The following VPS16 variants were observed in gnomAD, a reference collection of about 807,000 sequenced individuals.
VPS16 encodes VPS16 core subunit of CORVET and HOPS complexes, also known as vacuolar protein sorting-associated protein 16 homolog.
Under a neutral mutation model 116.0 loss-of-function variants are expected in VPS16, and 82 were observed. That is an observed-to-expected ratio of 0.71 (90% CI 0.59 to 0.85). The LOEUF is 0.85. Ranked by LOEUF, VPS16 falls within the 40% of genes least tolerant of loss-of-function variation. The probability of loss-of-function intolerance (pLI) is 0.00; values close to 1 mark genes in which losing one functional copy is unlikely to be tolerated. For synonymous variants in VPS16, 406 were observed against 420.7 expected (o/e 0.96, Z 0.43); for missense variants, 928 against 1,090.6 (o/e 0.85, Z 2.10).
chr20:2,861,499 G>A (rs1226036968), intron 8 of VPS16, 116 bp from the exon 9 acceptor site: 22 of 1,385,446 alleles, frequency 1.6e-5, no homozygotes, highest in Non-Finnish European at 2.2e-5. Flanking sequence ...AGAGGTCAGT[G>A]TACAGTCAGT....
intron 1 of VPS16, among the ~76,000 whole-genome samples, chr20:2,856,070 G>T (rs752543683): frequency 1.3e-5 from 2 of 152,162 alleles, no homozygotes; most frequent in Admixed American, 6.5e-5. Context: ...CCTCACTAAG[G>T]TTAGTCGTTT....
Position 2,864,002 on chromosome 20 carries a change from G to A in VPS16, c.1530G>A (p.Lys510=). The A allele has an allele frequency of 6.2e-7, 1 of 1,614,166 alleles. No homozygotes were observed. The highest frequency in any genetic ancestry group is 8.5e-7 in the Non-Finnish European group (1 of 1,180,016). The change falls in exon 16 of 24, where the codon AAG becomes AAA. Residue 510 remains lysine, a synonymous_variant. Coordinates refer to ENST00000380445, the MANE Select transcript of VPS16 (RefSeq NM_022575.4). The surrounding 1 kb of genome is among the most constrained non-coding windows in gnomAD (Gnocchi z 5.2). ...ATGTGGCTCGAGCCATTAACCAGAA[G>A]CTGGGGGACACGCCTGGTGTCTCTT... ...DEDVARAINQ[K]LGDTPGVSYS... is the part of the protein sequence containing the mutation.
Position 2,861,790 on chromosome 20 carries a change from C to T in VPS16, c.900-15C>T, listed in dbSNP as rs2089231319. 3.1e-6 allele frequency: 5 copies of T among 1,613,420 alleles called. No individual in the cohort carries two copies. The highest frequency in any genetic ancestry group is 4.2e-6 in the Non-Finnish European group (5 of 1,179,820). ...CCCATCTGTAGGTGCTCTTAGGAGC[C>T]TTAACCAAGCTCAGGTTTGTGCTGG... On this transcript the variant is annotated splice_polypyrimidine_tract_variant and intron_variant, in intron 9 of 23. Coordinates refer to ENST00000380445, the MANE Select transcript of VPS16 (RefSeq NM_022575.4).
In VPS16 at chr20:2,860,334, T is replaced by G; in HGVS notation, c.336T>G (p.His112Gln). 6.2e-7 allele frequency: 1 copy of G among 1,614,072 alleles called. No homozygotes were observed. The highest frequency in any genetic ancestry group is 8.5e-7 in the Non-Finnish European group (1 of 1,180,008). The change falls in exon 4 of 24, where the codon CAT becomes CAG. Residue 112 changes from histidine (H) to glutamine (Q), a missense_variant. His to Gln is a conservative substitution (Grantham distance 24, BLOSUM62 0). Transcript: ENST00000380445. The surrounding 1 kb of genome is among the most constrained non-coding windows in gnomAD (Gnocchi z 6.1). ...EDGAVLVYGL[H>Q]GDFRRHFSMG... is the part of the protein sequence containing the mutation. The stretch of plus-strand genomic sequence containing the variant: ...GTGCTGTACTGGTTTATGGGCTTCA[T>G]GGTGACTTCCGGAGACACTTCAGCA...
intron 7 of VPS16, 60 bp from the exon 8 acceptor site, chr20:2,861,165 C>T: frequency 6.2e-7 from 1 of 1,614,152 alleles, no homozygotes. Flanking sequence ...TGCGGGAGGG[C>T]TTTTCGACTA....
Position 2,863,568 on chromosome 20 carries a change from G to C in VPS16, c.1476+170G>C, listed in dbSNP as rs2089269286. 6.6e-6 allele frequency among the ~76,000 whole-genome samples: 1 copy of C among 152,110 alleles called. No individual in the cohort carries two copies. The highest frequency in any genetic ancestry group is 2.4e-5 in the African/African-American group (1 of 41,424). ...ACCTGAGGTCAGGTATTCGAGACTAGCCTGGCTAACATGGTGAAACCCCGT... is the reference window on the plus strand; with the variant it reads ...ACCTGAGGTCAGGTATTCGAGACTACCCTGGCTAACATGGTGAAACCCCGT... On this transcript the variant is annotated intron_variant, in intron 15 of 23. Coordinates refer to ENST00000380445, the MANE Select transcript of VPS16 (RefSeq NM_022575.4). This position sits in a 1 kb window ranked among gnomAD's most constrained non-coding sequence, Gnocchi z 4.4.
At chr20:2,842,849 G>GACATATAGATGTATCTATAGATAGACAT (rs1468119077) in intron 1 of VPS16, among the ~76,000 whole-genome samples, 1 of 144,572 alleles carries the variant, frequency 6.9e-6, no homozygotes, top group Non-Finnish European at 1.5e-5. Flanking sequence ...TCTATCGATA[G>GACATATAGATGTATCTATAGATAGACAT]ATAGATGTAT....
intron 13 of VPS16, 65 bp downstream of exon 13, chr20:2,862,999 G>T: frequency 6.2e-7 from 1 of 1,614,022 alleles, no homozygotes; most frequent in South Asian, 1.1e-5. Context: ...GGCTGGAGAT[G>T]CGTCTGCAGG....
At chr20:2,846,337 G>A (rs777652308) in intron 1 of VPS16, among the ~76,000 whole-genome samples, 1 of 151,812 alleles carries the variant, frequency 6.6e-6, no homozygotes, top group Non-Finnish European at 1.5e-5. Context: ...GGCTGCTTTC[G>A]AACTCCTGAC....
At chr20:2,844,168 A>G (rs1458801714) in intron 1 of VPS16, among the ~76,000 whole-genome samples, 2 of 152,222 alleles carry the variant, frequency 1.3e-5, no homozygotes, top group Non-Finnish European at 2.9e-5. Context: ...ATATAAGAGC[A>G]TGTTTCACCT....
In VPS16 at chr20:2,865,179, T is replaced by A. The variant is rs1197318091; in HGVS notation, c.2036T>A (p.Leu679Gln). The change falls in exon 21 of 24, where the codon CTG (leucine) becomes CAG (glutamine). Residue 679 changes from leucine to glutamine, a missense_variant. Leu to Gln is a moderately radical substitution (Grantham distance 113). Coordinates refer to ENST00000380445, the MANE Select transcript of VPS16 (RefSeq NM_022575.4). This position sits in a 1 kb window ranked among gnomAD's most constrained non-coding sequence, Gnocchi z 5.2. ...ATEDQMRLLR[L>Q]QRRLEDELGG... ...GAGGATCAAATGCGGCTCCTACGGC[T>A]GCAGCGGCGCCTAGAAGACGAGCTG... 6.2e-7 allele frequency: 1 copy of A among 1,614,182 alleles called. No homozygotes were observed. Among genetic ancestry groups the A allele is most frequent in the East Asian group, 2.2e-5 (1 of 44,880 alleles).
chr20:2,863,833 G>GAAAC lies in VPS16; in HGVS notation c.1477-113_1477-112insCAAA, dbSNP rs996470564. The GAAAC allele has an allele frequency of 5.0e-6, 7 of 1,404,836 alleles. No individual in the cohort carries two copies. The African/African-American group carries it at 1.0e-4, about 20-fold the overall frequency. The allele number at this position is 1,404,836 out of a possible 1,614,324, so 87.0% of individuals were successfully genotyped here. A position where few individuals can be genotyped will look rare whatever the true frequency, so the allele number is the denominator to read the frequency against. On this transcript the variant is annotated intron_variant, in intron 15 of 23. Transcript: ENST00000380445. This position sits in a 1 kb window ranked among gnomAD's most constrained non-coding sequence, Gnocchi z 4.4. Reference sequence around the variant, plus strand: ...GAGAAAGAAGAAAGAGAGAAAGAAAGAAAGAAGAAGGAAGGGAGGGAGGAA... The same window carrying GAAAC: ...GAGAAAGAAGAAAGAGAGAAAGAAAGAAACAAAGAAGAAGGAAGGGAGGGAGGAA...
Position 2,862,044 on chromosome 20 carries a change from C to T in VPS16, c.995-10C>T. 3 of 1,613,564 alleles carry T rather than the reference C, an allele frequency of 1.9e-6. No individual in the cohort carries two copies. The highest frequency in any genetic ancestry group is 1.1e-5 in the South Asian group (1 of 90,838). ...GCCTTTCTCCCTCACTCACCAACTC[C>T]CTTCCCCAGCGGCCAGCGAGGAAAT... On this transcript the variant is annotated splice_polypyrimidine_tract_variant and intron_variant, in intron 10 of 23. Coordinates refer to ENST00000380445, the MANE Select transcript of VPS16 (RefSeq NM_022575.4).
intron 1 of VPS16, among the ~76,000 whole-genome samples, chr20:2,854,960 ATTTTT>A (rs547295825): frequency 2.7e-5 from 3 of 110,130 alleles, no homozygotes; most frequent in Admixed American, 1.1e-4. Context: ...ATGAGCAGTA[ATTTTT>A]TTTTTTTTTT....
chr20:2,855,727 C>G (rs907339659), intron 1 of VPS16, among the ~76,000 whole-genome samples: 2 of 152,230 alleles, frequency 1.3e-5, no homozygotes, highest in African/African-American at 4.8e-5. Context: ...TTTTACATTA[C>G]AGAGATGGCT....
rs962214303 is a variant in VPS16 at position 2,865,634 on chromosome 20, C to A, written c.2271+139C>A. The A allele has an allele frequency of 1.6e-5, 13 of 790,030 alleles. No individual in the cohort carries two copies. The Admixed American group carries it at 3.1e-4, about 19-fold the overall frequency. The allele number at this position is 790,030 out of a possible 1,614,324, so 48.9% of individuals were successfully genotyped here. A position where few individuals can be genotyped will look rare whatever the true frequency, so the allele number is the denominator to read the frequency against. ...ATAGTTAGCGAGTGCTTCCTGTATA[C>A]ACATTTGTGGGCAGGCATCATCTGC... On this transcript the variant is annotated intron_variant, in intron 22 of 23. Coordinates refer to ENST00000380445, the MANE Select transcript of VPS16 (RefSeq NM_022575.4). The surrounding 1 kb of genome is among the most constrained non-coding windows in gnomAD (Gnocchi z 5.2).
At position 2,860,305 on chromosome 20, in the gene VPS16, G is replaced by T. The variant is rs1300024563; in HGVS notation, c.307G>T (p.Asp103Tyr). 2 of 1,614,128 alleles carry T rather than the reference G, an allele frequency of 1.2e-6. No individual in the cohort carries two copies. The highest frequency in any genetic ancestry group is 2.2e-5 in the South Asian group (2 of 91,074). The change falls in exon 4 of 24, where the codon GAT becomes TAT. Residue 103 changes from aspartate (D) to tyrosine (Y), a missense_variant. Physicochemically the swap from Asp to Tyr is radical, Grantham distance 160 (BLOSUM62 -3). Coordinates refer to ENST00000380445, the MANE Select transcript of VPS16 (RefSeq NM_022575.4). This position sits in a 1 kb window ranked among gnomAD's most constrained non-coding sequence, Gnocchi z 6.1. The stretch of plus-strand genomic sequence containing the variant: ...GGAGGAGCTGCTCTGTGTGCAGGAA[G>T]ATGGTGCTGTACTGGTTTATGGGCT... ...AEEELLCVQE[D>Y]GAVLVYGLHG...
Position 2,860,608 on chromosome 20 carries a change from C to A in VPS16, c.514+15C>A. On this transcript the variant is annotated intron_variant, in intron 5 of 23. Coordinates refer to ENST00000380445, the MANE Select transcript of VPS16 (RefSeq NM_022575.4). The surrounding 1 kb of genome is among the most constrained non-coding windows in gnomAD (Gnocchi z 6.1). ...AGAGGTGCCAGGTAAGCCCTGACAC[C>A]GCTGAGATAGCCAAGCAGTACCCAC... The A allele has an allele frequency of 1.2e-6, 2 of 1,613,146 alleles. No individual in the cohort carries two copies. Among genetic ancestry groups the A allele is most frequent in the South Asian group, 1.1e-5 (1 of 91,074 alleles).
rs2089303105 is a variant in VPS16, at chr20:2,864,906, G to A, written c.1927-72G>A. The stretch of plus-strand genomic sequence containing the variant: ...CCCTGGGCACAGGGATGGGGGAGAA[G>A]ACTGTAGCCTGGGTGAGGAGGGCGA... On this transcript the variant is annotated intron_variant, in intron 19 of 23. Transcript: ENST00000380445. The surrounding 1 kb of genome is among the most constrained non-coding windows in gnomAD (Gnocchi z 5.2). 1 of 1,597,942 alleles carries A rather than the reference G, an allele frequency of 6.3e-7. No homozygotes were observed. Among genetic ancestry groups the A allele is most frequent in the Non-Finnish European group, 8.6e-7 (1 of 1,167,016 alleles).
Sources: allele counts gnomAD v4.1 joint callset (sites outside exome capture counted in the v4.1 genomes callset), GRCh38; gene constraint gnomAD v4.1.1; non-coding constraint Gnocchi (gnomAD v3.1); transcripts MANE v1.5; gene names NCBI Gene and HGNC (gene_info 2026-07-23, HGNC 2026-07-21).